The following TENT5D variants were observed in gnomAD, a reference collection of about 807,000 sequenced individuals.
TENT5D encodes the protein cancer/testis antigen 112.
For synonymous variants in TENT5D, 103 were observed against 100.6 expected, an observed-to-expected ratio of 1.02 and a Z score of -0.15; for missense variants, 191 against 287.0, an observed-to-expected ratio of 0.67 and a Z score of 2.42.
intron 3 of TENT5D, among the ~76,000 whole-genome samples, chrX:80,395,453 A>G (rs1010337641): frequency 9.0e-6 from 1 of 111,695 alleles, no homozygotes; most frequent in Admixed American, 9.5e-5. Flanking sequence ...ACTGTTTTTT[A>G]TAATAGCTGT....
intron 3 of TENT5D, among the ~76,000 whole-genome samples, chrX:80,346,743 G>A (rs1387920615): frequency 9.0e-6 from 1 of 110,791 alleles, no homozygotes; most frequent in East Asian, 2.8e-4. Flanking sequence ...CATGTGCCAT[G>A]GTGGTTTCCT....
intron 3 of TENT5D, among the ~76,000 whole-genome samples, chrX:80,393,314 C>G (rs1931173289): frequency 9.0e-6 from 1 of 110,986 alleles, no homozygotes; most frequent in African/African-American, 3.3e-5. Context: ...AATATTGGCT[C>G]ACAGGTATTA....
intron 2 of TENT5D, among the ~76,000 whole-genome samples, chrX:80,341,863 T>C (rs953590406): frequency 1.0e-4 from 11 of 106,031 alleles, no homozygotes; most frequent in Non-Finnish European, 1.6e-4. Context: ...AGGCGCCCGC[T>C]ACCACGCCCG....
chrX:80,442,100 A>G (rs914399533), intron 2 of TENT5D, among the ~76,000 whole-genome samples: 1 of 111,405 alleles, frequency 9.0e-6, no homozygotes, highest in Non-Finnish European at 1.9e-5. Context: ...CATTGAGTCC[A>G]TTGGTTCTAA....
chrX:80,408,413 G>A (rs1931554479), intron 3 of TENT5D, among the ~76,000 whole-genome samples: 1 of 110,424 alleles, frequency 9.1e-6, no homozygotes, highest in Admixed American at 9.6e-5. Context: ...TGATAAAGGG[G>A]ATATCACCAC....
At chrX:80,352,686 G>T (rs1400237500) in intron 3 of TENT5D, among the ~76,000 whole-genome samples, 1 of 92,739 alleles carries the variant, frequency 1.1e-5, no homozygotes, top group African/African-American at 4.1e-5. Flanking sequence ...TCTCTATGGG[G>T]TTCCAGGTGC....
At chrX:80,401,983 C>A (rs1931397604) in intron 3 of TENT5D, among the ~76,000 whole-genome samples, 1 of 111,637 alleles carries the variant, frequency 9.0e-6, no homozygotes, top group Non-Finnish European at 1.9e-5. Context: ...ATTAGCTGTT[C>A]TTTAAATGTT....
At chrX:80,391,143 G>A (rs771911480) in intron 3 of TENT5D, among the ~76,000 whole-genome samples, 2 of 111,415 alleles carry the variant, frequency 1.8e-5, no homozygotes, top group South Asian at 3.7e-4. Flanking sequence ...TGTATTAGGC[G>A]TTATGGAATA....
In TENT5D at chrX:80,429,736, T is replaced by G. The variant is rs539025394; in HGVS notation, c.-141-8874T>G. On this transcript the variant is annotated intron_variant, in intron 1 of 2. Transcript: ENST00000308293. ...GACCAAGGAGGCTGTCTTCAGGAGG[T>G]TTTTATAAGGTACCCTTTGGTCCCA... 2.6e-4 allele frequency among the ~76,000 whole-genome samples: 29 copies of G among 111,021 alleles called. 1 individual carries two copies. In the South Asian group the frequency reaches 0.011, roughly 41 times the overall value.
At chrX:80,442,021 A>G (rs1932292975) in intron 2 of TENT5D, among the ~76,000 whole-genome samples, 1 of 111,210 alleles carries the variant, frequency 9.0e-6, no homozygotes, top group African/African-American at 3.3e-5. Context: ...AGAAACTGAA[A>G]AGTATATGAG....
intron 3 of TENT5D, among the ~76,000 whole-genome samples, chrX:80,359,203 G>C (rs998203365): frequency 8.9e-6 from 1 of 111,827 alleles, no homozygotes; most frequent in Non-Finnish European, 1.9e-5. Flanking sequence ...TACACTGTTG[G>C]TGGGAGTGTA....
intron 3 of TENT5D, among the ~76,000 whole-genome samples, chrX:80,344,490 G>A (rs1262265168): frequency 1.8e-5 from 2 of 109,484 alleles, no homozygotes; most frequent in Non-Finnish European, 3.8e-5. Flanking sequence ...TTTAATAATA[G>A]CCATACTGAC....
chrX:80,397,241 C>T (rs1431340697), intron 3 of TENT5D, among the ~76,000 whole-genome samples: 1 of 107,993 alleles, frequency 9.3e-6, no homozygotes, highest in Non-Finnish European at 1.9e-5. Context: ...ACGCTCCTCA[C>T]CTCCCAGACG....
intron 3 of TENT5D, among the ~76,000 whole-genome samples, chrX:80,365,170 T>A (rs62606104): frequency 6.4e-4 from 72 of 111,841 alleles, no homozygotes; most frequent in Non-Finnish European, 1.1e-3. Context: ...AATTGTGAGT[T>A]ATGGAACTTA....
chrX:80,418,026 T>A (rs1036807943), upstream of TENT5D, among the ~76,000 whole-genome samples: 5 of 111,617 alleles, frequency 4.5e-5, no homozygotes, highest in African/African-American at 1.6e-4. Context: ...TTTTTAAAAA[T>A]TTTTTTCCAA....
chrX:80,423,716 A>G (rs1931932411), intron 1 of TENT5D, among the ~76,000 whole-genome samples: 1 of 110,786 alleles, frequency 9.0e-6, no homozygotes, highest in Non-Finnish European at 1.9e-5. Context: ...AGAAAAAAAA[A>G]AAAGTGCCCA....
At chrX:80,352,924 G>A (rs1355901326) in intron 3 of TENT5D, among the ~76,000 whole-genome samples, 2 of 110,231 alleles carry the variant, frequency 1.8e-5, no homozygotes, top group African/African-American at 6.6e-5. Flanking sequence ...CTTGGCTGGG[G>A]GAGGGAGGCC....
In TENT5D at chrX:80,354,298, G is replaced by C. The variant is rs1243703118; in HGVS notation, c.-142+11734G>C. On this transcript the variant is annotated intron_variant, in intron 3 of 4. Transcript: ENST00000538312. ...CAATATCCTCAGATACGTTTTCCAA[G>C]TTGTTTGCTCTCTCTCCATGTCTTT... Among the ~76,000 whole-genome samples the C allele has an allele frequency of 3.6e-5, 4 of 111,633 alleles. No homozygotes were observed. In the Admixed American group the frequency reaches 3.8e-4, roughly 11 times the overall value.
chrX:80,409,133 G>A (rs1323050754), intron 3 of TENT5D, among the ~76,000 whole-genome samples: 5 of 109,377 alleles, frequency 4.6e-5, no homozygotes, highest in South Asian at 4.0e-4. Flanking sequence ...CAAACCCACA[G>A]CCAATATCAT....
Sources: gnomAD v4.1 joint callset for allele counts (sites outside exome capture counted in the v4.1 genomes callset) on GRCh38, gnomAD v4.1.1 for gene constraint, MANE v1.5 for transcripts, NCBI Gene and HGNC (gene_info 2026-07-23, HGNC 2026-07-21) for gene names.